Variants in CDC14B observed in about 807,000 individuals in gnomAD.
CDC14B encodes cell division cycle 14B.
CDC14B carries 22 observed loss-of-function variants against 64.2 expected under a neutral mutation model. That is an observed-to-expected ratio of 0.34 (90% CI 0.24 to 0.49). CDC14B has a LOEUF of 0.49. Among genes scored for constraint, CDC14B ranks in the 20% least tolerant of loss-of-function variants. The pLI is 0.99. For synonymous variants in CDC14B, 191 were observed against 215.8 expected (o/e 0.89, Z 1.01); for missense variants, 498 against 629.9 (o/e 0.79, Z 2.24).
chr9:96,523,572 T>C lies in CDC14B; in HGVS notation c.1085+15A>G. ...ACATGTTCCCTGGGAACTACAGACG[T>C]AGGCTACTACTTACATCACCAAAAA... On this transcript the variant is annotated intron_variant, in intron 10 of 13. Coordinates refer to ENST00000375241, the MANE Select transcript of CDC14B (RefSeq NM_033331.4). 6.2e-7 allele frequency: 1 copy of C among 1,614,068 alleles called. No homozygotes were observed. The highest frequency in any genetic ancestry group is 8.5e-7 in the Non-Finnish European group (1 of 1,179,970).
chr9:96,573,382 T>C (rs1844588267), intron 1 of CDC14B, among the ~76,000 whole-genome samples: 1 of 152,180 alleles, frequency 6.6e-6, no homozygotes, highest in Non-Finnish European at 1.5e-5. Context: ...TTTTGCAATG[T>C]TTCTAGATAC....
chr9:96,543,324 ACTCGAGACTCGT>A (rs1006932198), intron 5 of CDC14B, among the ~76,000 whole-genome samples: 26 of 150,330 alleles, frequency 1.7e-4, no homozygotes, highest in Middle Eastern at 3.5e-3. Flanking sequence ...ACAGAGCGAG[ACTCGAGACTCGT>A]CTCAAAAAAA....
At position 96,509,709 on chromosome 9, in the gene CDC14B, G is replaced by T. The variant is rs760099702; in HGVS notation, c.1424C>A (p.Thr475Asn). 3 of 1,611,640 alleles carry T rather than the reference G, an allele frequency of 1.9e-6. No homozygotes were observed. Among genetic ancestry groups the T allele is most frequent in the African/African-American group, 2.7e-5 (2 of 74,874 alleles). ...GCTTTTCCTTGAAGCAGATCTGGTG[G>T]TTCTTTTAGTAATGCCTGCACTGCC... ...ISGSAGITKR[T>N]TRSASRKSSV... The change falls in exon 13 of 14, where the codon ACC becomes AAC. Residue 475 changes from threonine (T) to asparagine (N), a missense_variant. Physicochemically the swap from Thr to Asn is moderately conservative, Grantham distance 65 (BLOSUM62 0). Transcript: ENST00000375241.
chr9:96,504,204 T>C (rs1288912161), intron 13 of CDC14B, among the ~76,000 whole-genome samples: 1 of 151,900 alleles, frequency 6.6e-6, no homozygotes, highest in Admixed American at 6.6e-5. Context: ...AGAGAACTGT[T>C]ACTGGGTTAT....
intron 5 of CDC14B, among the ~76,000 whole-genome samples, chr9:96,548,165 C>T (rs746154570): frequency 2.0e-4 from 30 of 152,206 alleles, no homozygotes; most frequent in Non-Finnish European, 2.9e-4. Context: ...AGGCTCAAAT[C>T]TGTAAAGGAC....
downstream of CDC14B, among the ~76,000 whole-genome samples, chr9:96,498,596 T>C (rs1469996672): frequency 1.3e-5 from 2 of 152,206 alleles, no homozygotes; most frequent in Admixed American, 1.3e-4. Context: ...GTGCATAAAA[T>C]TATGCTGCAG....
intron 1 of CDC14B, among the ~76,000 whole-genome samples, chr9:96,596,678 T>C (rs1008195597): frequency 5.3e-5 from 8 of 151,920 alleles, no homozygotes; most frequent in Non-Finnish European, 4.4e-5. Flanking sequence ...CTGGATAAGA[T>C]TGTAAAATCC....
At chr9:96,614,464 T>C (rs1343577461) in intron 1 of CDC14B, among the ~76,000 whole-genome samples, 1 of 152,142 alleles carries the variant, frequency 6.6e-6, no homozygotes, top group South Asian at 2.1e-4. Flanking sequence ...ATTACAGGCA[T>C]GAGTCACTGC....
At chr9:96,532,014 TG>T (rs1456331036) in intron 9 of CDC14B, among the ~76,000 whole-genome samples, 1 of 152,220 alleles carries the variant, frequency 6.6e-6, no homozygotes, top group African/African-American at 2.4e-5. Context: ...TCCAAGGTTT[TG>T]CTTTGTCAGG....
At chr9:96,608,173 A>G (rs1193958000) in intron 1 of CDC14B, among the ~76,000 whole-genome samples, 1 of 152,206 alleles carries the variant, frequency 6.6e-6, no homozygotes, top group Non-Finnish European at 1.5e-5. Flanking sequence ...CTTTTTCAGC[A>G]GCTATTACAA....
intron 5 of CDC14B, among the ~76,000 whole-genome samples, chr9:96,547,430 C>T (rs1841098943): frequency 6.6e-6 from 1 of 151,570 alleles, no homozygotes; most frequent in African/African-American, 2.4e-5. Context: ...CACACCAATG[C>T]ACTCCAGCCT....
chr9:96,514,595 T>A, intron 12 of CDC14B: 1 of 985,228 alleles, frequency 1.0e-6, no homozygotes, highest in Non-Finnish European at 1.2e-6. Flanking sequence ...AGTACCAGAG[T>A]TGGTTGCAAT....
At chr9:96,607,411 G>GT (rs1847029274) in intron 1 of CDC14B, among the ~76,000 whole-genome samples, 1 of 113,552 alleles carries the variant, frequency 8.8e-6, no homozygotes, top group African/African-American at 3.4e-5. Flanking sequence ...TAAACGTGAT[G>GT]TCTTTTTTTT....
chr9:96,615,061 G>A (rs974630766), intron 1 of CDC14B, among the ~76,000 whole-genome samples: 4 of 152,176 alleles, frequency 2.6e-5, no homozygotes, highest in African/African-American at 7.2e-5. Context: ...GGCTGGGCTC[G>A]AACTCCTGAC....
intron 1 of CDC14B, among the ~76,000 whole-genome samples, chr9:96,590,070 G>T (rs1195795289): frequency 6.6e-6 from 1 of 152,040 alleles, no homozygotes; most frequent in Non-Finnish European, 1.5e-5. Context: ...TATGTACACT[G>T]CTGCGCAATA....
intron 1 of CDC14B, among the ~76,000 whole-genome samples, chr9:96,587,847 A>AT (rs1845547728): frequency 6.6e-6 from 1 of 152,072 alleles, no homozygotes. Context: ...CCCCAGAGCA[A>AT]TTTTTTTAAA....
intron 1 of CDC14B, among the ~76,000 whole-genome samples, chr9:96,569,524 TG>T (rs1453674326): frequency 1.3e-5 from 2 of 152,214 alleles, no homozygotes; most frequent in Non-Finnish European, 2.9e-5. Flanking sequence ...CTCTACATAA[TG>T]CCAATATTTT....
downstream of CDC14B, chr9:96,496,132 T>C: frequency 2.8e-6 from 1 of 362,166 alleles, no homozygotes; most frequent in South Asian, 2.0e-5. Context: ...CCCAACCCAG[T>C]CAGGCCGAGG....
Position 96,502,855 on chromosome 9 carries a change from CTT to C in CDC14B, c.*896_*897del, listed in dbSNP as rs112876148. On this transcript the variant is annotated 3_prime_UTR_variant, in exon 14 of 14. Transcript: ENST00000375241. ...GGGAAGGACTCTAAAAAAGTGGTAA[CTT>C]TTTTTTTTTGTAAGCCGACATTATT... is the stretch of plus-strand genomic sequence containing the variant. 3 of 340,932 alleles carry C rather than the reference CTT, an allele frequency of 8.8e-6. No homozygotes were observed. The highest frequency in any genetic ancestry group is 1.6e-5 in the Non-Finnish European group (3 of 192,186). 21.1% of individuals were successfully genotyped at this position (340,932 alleles called of 1,614,324 possible). A position where few individuals can be genotyped will look rare whatever the true frequency, so the allele number is the denominator to read the frequency against.
Sources: allele counts gnomAD v4.1 joint callset (sites outside exome capture counted in the v4.1 genomes callset), GRCh38; gene constraint gnomAD v4.1.1; transcripts MANE v1.5; gene names NCBI Gene and HGNC (gene_info 2026-07-23, HGNC 2026-07-21).